Variants in ATXN3 observed in about 807,000 individuals in gnomAD.
The protein encoded by ATXN3 is ataxin-3.
Under a neutral mutation model 58.2 loss-of-function variants are expected in ATXN3, and 28 were observed. That is an observed-to-expected ratio of 0.48 (90% CI 0.36 to 0.66). The LOEUF (loss-of-function observed/expected upper bound fraction) is 0.66. Among genes scored for constraint, ATXN3 ranks in the 30% least tolerant of loss-of-function variants. The pLI is 0.00. For missense variants in ATXN3, 321 were observed against 422.1 expected, an observed-to-expected ratio of 0.76 and a Z score of 2.10; for synonymous variants, 113 against 138.5, an observed-to-expected ratio of 0.82 and a Z score of 1.29.
chr14:92,071,276 T>C, intron 9 of ATXN3: 1 of 784,636 alleles, frequency 1.3e-6, no homozygotes, highest in East Asian at 2.8e-5. Flanking sequence ...TCAGACAAAT[T>C]AAGAGGTAGG....
intron 6 of ATXN3, among the ~76,000 whole-genome samples, chr14:92,083,684 T>C (rs553969334): frequency 1.2e-3 from 178 of 152,328 alleles, no homozygotes; most frequent in African/African-American, 4.2e-3. Flanking sequence ...GTTAAACATA[T>C]GATACTAGTA....
intron 1 of ATXN3, among the ~76,000 whole-genome samples, chr14:92,097,496 G>A (rs550304745): frequency 3.6e-4 from 54 of 150,814 alleles, no homozygotes; most frequent in East Asian, 7.8e-4. Flanking sequence ...AAAGTGCTGG[G>A]ATTACAGGTG....
chr14:92,070,584 A>G (rs1221928509), intron 10 of ATXN3, among the ~76,000 whole-genome samples: 1 of 152,168 alleles, frequency 6.6e-6, no homozygotes, highest in African/African-American at 2.4e-5. Flanking sequence ...ATCTCAAAAA[A>G]AGAAAAATAT....
At chr14:92,092,827 G>A (rs1391571044) in intron 5 of ATXN3, among the ~76,000 whole-genome samples, 2 of 149,160 alleles carry the variant, frequency 1.3e-5, no homozygotes, top group African/African-American at 4.9e-5. Context: ...TTTAAAGTCA[G>A]CAATCCTTTT....
intron 6 of ATXN3, among the ~76,000 whole-genome samples, chr14:92,086,253 CAAAA>C (rs869147623): frequency 3.2e-5 from 3 of 94,944 alleles, no homozygotes; most frequent in African/African-American, 4.4e-5. Flanking sequence ...ACTAAAAATA[CAAAA>C]AAAAAAAAAA....
chr14:92,076,652 T>C (rs1836944651), intron 9 of ATXN3, among the ~76,000 whole-genome samples: 2 of 151,498 alleles, frequency 1.3e-5, no homozygotes, highest in South Asian at 4.2e-4. Context: ...CAAAAAAGAC[T>C]CTGATGGCTG....
Position 92,061,774 on chromosome 14 carries a change from C to G in ATXN3, c.*2546G>C, listed in dbSNP as rs1007473208. On this transcript the variant is annotated 3_prime_UTR_variant, in exon 11 of 11. Transcript: ENST00000644486. ...TTTTTTGATACTATGGTTACTTGCA[C>G]TGGCATCTTTTCATACTGGCCAATC... 1.3e-5 allele frequency: 2 copies of G among 152,212 alleles called. No individual in the cohort carries two copies. The highest frequency in any genetic ancestry group is 2.9e-5 in the Non-Finnish European group (2 of 68,042). The allele number at this position is 152,212 out of a possible 1,614,324, so 9.4% of individuals were successfully genotyped here.
rs867386115 is a variant in ATXN3 at position 92,064,366 on chromosome 14, G to C, written c.1040C>G (p.Ser347Cys). Residue 347 changes from serine (S) to cysteine (C), a missense_variant, in exon 11 of 11, where the codon TCT becomes TGT. Ser to Cys is a moderately radical substitution (Grantham distance 112). Coordinates refer to ENST00000644486, the MANE Select transcript of ATXN3 (RefSeq NM_004993.6). Reference protein sequence around the residue: ...EDMLQAAVTMSLETVRNDLKT... With the variant: ...EDMLQAAVTMCLETVRNDLKT... Reference sequence around the variant, plus strand: ...CAAATCATTTCTGACAGTTTCTAAAGACATGGTCACAGCTGCCTGAAGCAT... The same window carrying C: ...CAAATCATTTCTGACAGTTTCTAAACACATGGTCACAGCTGCCTGAAGCAT... 3.1e-6 allele frequency: 5 copies of C among 1,613,034 alleles called. No individual in the cohort carries two copies. Among genetic ancestry groups the C allele is most frequent in the Non-Finnish European group, 4.2e-6 (5 of 1,179,414 alleles).
In ATXN3 at chr14:92,096,701, AG is replaced by A. The variant is rs1288988155; in HGVS notation, c.161del (p.Thr54IlefsTer27). 1 of 1,613,572 alleles carries A rather than the reference AG, an allele frequency of 6.2e-7. No homozygotes were observed. The highest frequency in any genetic ancestry group is 1.7e-5 in the Admixed American group (1 of 59,936). Reference sequence around the variant, plus strand: ...GTAAAAACGTGCGATAATCTTCACTAGTAACTCCTCCTTCTGCCATTCTCAT... The same window carrying A: ...GTAAAAACGTGCGATAATCTTCACTATAACTCCTCCTTCTGCCATTCTCAT... ...ERMRMAEGGV[T>X]SEDYRTFLQQ... On this transcript the variant is annotated frameshift_variant, in exon 2 of 11. Transcript: ENST00000644486. LOFTEE classifies it high-confidence loss of function.
chr14:92,064,635 C>T (rs1200688979), intron 10 of ATXN3, among the ~76,000 whole-genome samples: 34 of 152,146 alleles, frequency 2.2e-4, no homozygotes, highest in Admixed American at 2.2e-3. Flanking sequence ...CCCCATGCTG[C>T]CCCTTTGTGG....
chr14:92,049,094 C>A (rs2057439108), intron 1 of ATXN3, among the ~76,000 whole-genome samples: 2 of 152,092 alleles, frequency 1.3e-5, no homozygotes, highest in Admixed American at 1.3e-4. Context: ...GTATTGGGGC[C>A]AAGCGGTATT....
chr14:92,056,013 T>A (rs1255095214), downstream of ATXN3, among the ~76,000 whole-genome samples: 1 of 152,190 alleles, frequency 6.6e-6, no homozygotes, highest in Non-Finnish European at 1.5e-5. Flanking sequence ...GGTTTCAGTG[T>A]TGGAGACAGA....
At chr14:92,095,069 C>A (rs8006287) in intron 3 of ATXN3, among the ~76,000 whole-genome samples, 42,244 of 150,314 alleles carry the variant, frequency 0.28, 6,256 homozygotes, top group East Asian at 0.44. Flanking sequence ...ATATATATAA[C>A]CACCAAAGAA....
chr14:92,064,400 C>T lies in ATXN3; in HGVS notation c.1006G>A (p.Glu336Lys). ...LGSDLGDAMS[E>K]EDMLQAAVTM... ...ACAGCTGCCTGAAGCATGTCTTCTT[C>T]ACTCATAGCATCACCTGTTGGGAAA... The change falls in exon 11 of 11, where the codon GAA becomes AAA. Residue 336 changes from glutamate (E) to lysine (K), a missense_variant. Coordinates refer to ENST00000644486, the MANE Select transcript of ATXN3 (RefSeq NM_004993.6). The T allele has an allele frequency of 6.2e-7, 1 of 1,611,428 alleles. No individual in the cohort carries two copies. Among genetic ancestry groups the T allele is most frequent in the Non-Finnish European group, 8.5e-7 (1 of 1,178,392 alleles).
downstream of ATXN3, among the ~76,000 whole-genome samples, chr14:92,054,459 G>GC (rs1011732000): frequency 8.5e-5 from 13 of 152,116 alleles, no homozygotes; most frequent in Admixed American, 2.6e-4. Flanking sequence ...TTGGTGCTAC[G>GC]CCCCCACCAG....
At position 92,081,005 on chromosome 14, in the gene ATXN3, A is replaced by C. The variant is rs774718180; in HGVS notation, c.832T>G (p.Ser278Ala). The C allele has an allele frequency of 3.5e-5, 57 of 1,612,876 alleles. No homozygotes were observed. Among genetic ancestry groups the C allele is most frequent in the Admixed American group, 1.7e-4 (10 of 59,984 alleles). The change falls in exon 9 of 11, where the codon TCA becomes GCA. Residue 278 changes from serine to alanine, a missense_variant. Ser to Ala is a moderately conservative substitution (Grantham distance 99, BLOSUM62 1). Around this residue, in one of 2 missense-constraint regions of ATXN3, gnomAD observed 200 missense variants for 223.2 expected, o/e 0.90. Coordinates refer to ENST00000644486, the MANE Select transcript of ATXN3 (RefSeq NM_004993.6). ...TCTCGTCTCTTCCGAAGCTCTTCTG[A>C]AGTAAGATTTGTACCTGATGTCTGT... ...MTQTSGTNLTSEELRKRREAY... is the reference protein window; with the variant it reads ...MTQTSGTNLTAEELRKRREAY...
chr14:92,058,532 AAC>A (rs2057521280), downstream of ATXN3: 1 of 152,212 alleles, frequency 6.6e-6, no homozygotes, highest in Middle Eastern at 3.2e-3. Context: ...ATTAACAATA[AAC>A]ACAAATTCAA....
rs2057711526 is a variant in ATXN3, at chr14:92,060,627, T to C, written c.*3693A>G. On this transcript the variant is annotated 3_prime_UTR_variant, in exon 11 of 11. Transcript: ENST00000644486. ...AAACATCAAGATTTATTTTTCTACT[T>C]AAGATTTTAAAATTATCATATTTTG... 6.6e-6 allele frequency: 1 copy of C among 152,144 alleles called. No individual in the cohort carries two copies. Among genetic ancestry groups the C allele is most frequent in the Admixed American group, 6.5e-5 (1 of 15,270 alleles). 9.4% of individuals were successfully genotyped at this position (152,144 alleles called of 1,614,324 possible).
intron 6 of ATXN3, among the ~76,000 whole-genome samples, chr14:92,087,029 A>C (rs1264497264): frequency 1.3e-5 from 2 of 152,194 alleles, no homozygotes; most frequent in African/African-American, 4.8e-5. Flanking sequence ...CATAATTTTA[A>C]TTGCTTCTAT....
Sources: allele counts gnomAD v4.1 joint callset (sites outside exome capture counted in the v4.1 genomes callset), GRCh38; gene constraint gnomAD v4.1.1; regional missense constraint gnomAD v4.1.1; transcripts MANE v1.5; gene names NCBI Gene and HGNC (gene_info 2026-07-23, HGNC 2026-07-21).